AXDND1: variants seen among roughly 807,000 people sequenced by gnomAD.
AXDND1 encodes axonemal dynein light chain domain-containing protein 1.
AXDND1 carries 110 observed loss-of-function variants against 137.5 expected under a neutral mutation model. That is an observed-to-expected ratio of 0.80 (90% CI 0.69 to 0.94). The LOEUF (loss-of-function observed/expected upper bound fraction) is 0.94, where lower values mean the gene tolerates loss of function less well. Ranked by LOEUF, AXDND1 falls within the 40% of genes least tolerant of loss-of-function variation. The probability of loss-of-function intolerance (pLI) is 0.00; values close to 1 mark genes in which losing one functional copy is unlikely to be tolerated. For missense variants in AXDND1, 1,191 were observed against 1,169.8 expected (o/e 1.02, Z -0.26); for synonymous variants, 414 against 399.7 (o/e 1.04, Z -0.43).
intron 16 of AXDND1, chr1:179,447,609 C>G: frequency 8.4e-7 from 1 of 1,197,320 alleles, no homozygotes; most frequent in South Asian, 1.5e-5. Context: ...GTGGAGGTGT[C>G]ATGCCCTTGC....
chr1:179,447,610 A>C, intron 16 of AXDND1: 1 of 1,201,888 alleles, frequency 8.3e-7, no homozygotes, highest in Non-Finnish European at 1.2e-6. Context: ...TGGAGGTGTC[A>C]TGCCCTTGCT....
At chr1:179,426,802 A>G (rs954158528) in intron 12 of AXDND1, among the ~76,000 whole-genome samples, 1 of 152,242 alleles carries the variant, frequency 6.6e-6, no homozygotes, top group Admixed American at 6.5e-5. Context: ...AAGTAAAAGA[A>G]ATAGCAAGTT....
intron 20 of AXDND1, among the ~76,000 whole-genome samples, chr1:179,507,624 A>G (rs1441958904): frequency 6.6e-6 from 1 of 152,200 alleles, no homozygotes; most frequent in East Asian, 1.9e-4. Context: ...GAATTGATGA[A>G]TATCACTGAA....
intron 17 of AXDND1, among the ~76,000 whole-genome samples, chr1:179,478,123 TG>T (rs1572007824): frequency 6.6e-6 from 1 of 152,200 alleles, no homozygotes; most frequent in East Asian, 1.9e-4. Flanking sequence ...GCTGCTTTCA[TG>T]GGCTGGGGTT....
intron 16 of AXDND1, among the ~76,000 whole-genome samples, chr1:179,446,840 CAG>C (rs1205287189): frequency 6.8e-6 from 1 of 147,564 alleles, no homozygotes; most frequent in Non-Finnish European, 1.5e-5. Context: ...TTTTTTTAAA[CAG>C]AATAAATAAG....
In AXDND1 at chr1:179,394,472, C is replaced by T. The variant is rs141212930; in HGVS notation, c.1004+429C>T. Among the ~76,000 whole-genome samples, 949 of 152,212 alleles carry T rather than the reference C, an allele frequency of 6.2e-3. 11 individuals are homozygous for T. Among genetic ancestry groups the T allele is most frequent in the African/African-American group, 0.022 (906 of 41,544 alleles). ...AGGCGTGGTGGCACATGCCTATAAT[C>T]CCAACTACTGGGGAGGTTGAGGCAG... On this transcript the variant is annotated intron_variant, in intron 10 of 25. Transcript: ENST00000367618.
chr1:179,399,073 C>T (rs577849664), intron 11 of AXDND1, among the ~76,000 whole-genome samples: 25 of 152,112 alleles, frequency 1.6e-4, no homozygotes, highest in Admixed American at 6.6e-4. Context: ...TGCTATGGGT[C>T]TTGTTTCTGT....
chr1:179,468,711 A>G (rs1015547220), intron 17 of AXDND1, 70 bp downstream of exon 17: 86 of 1,247,422 alleles, frequency 6.9e-5, no homozygotes, highest in South Asian at 9.4e-5. Flanking sequence ...CACTTCATAT[A>G]TAATTCACTT....
intron 25 of AXDND1, 59 bp from the exon 26 acceptor site, chr1:179,554,453 T>C (rs548134182): frequency 2.4e-5 from 39 of 1,614,136 alleles, no homozygotes; most frequent in Admixed American, 5.0e-5. Context: ...CATACAGTTC[T>C]TGCTAGTTAA....
chr1:179,401,948 C>T (rs1038041531), intron 11 of AXDND1, among the ~76,000 whole-genome samples: 3 of 152,048 alleles, frequency 2.0e-5, no homozygotes, highest in East Asian at 1.9e-4. Flanking sequence ...CTGAAGCAGG[C>T]GGATCACGAG....
At chr1:179,482,446 T>A (rs1665532367) in intron 17 of AXDND1, among the ~76,000 whole-genome samples, 2 of 152,090 alleles carry the variant, frequency 1.3e-5, no homozygotes, top group South Asian at 4.1e-4. Context: ...CAACACCAGA[T>A]AGCTGGAGGC....
intron 23 of AXDND1, among the ~76,000 whole-genome samples, chr1:179,530,832 G>A (rs919484698): frequency 6.6e-5 from 10 of 152,196 alleles, no homozygotes; most frequent in African/African-American, 2.2e-4. Flanking sequence ...GGTGGCTGGA[G>A]TACTGCACAA....
intron 21 of AXDND1, among the ~76,000 whole-genome samples, chr1:179,518,072 C>G (rs1304137308): frequency 6.6e-6 from 1 of 152,238 alleles, no homozygotes; most frequent in Non-Finnish European, 1.5e-5. Flanking sequence ...CAGAGAACTA[C>G]TTTCAGAAAG....
At chr1:179,429,966 AG>A (rs1468006921) in intron 13 of AXDND1, among the ~76,000 whole-genome samples, 2 of 148,856 alleles carry the variant, frequency 1.3e-5, no homozygotes, top group East Asian at 3.9e-4. Context: ...TAGATAGAAA[AG>A]GAGGGCATTT....
Position 179,378,685 on chromosome 1 carries a change from G to T in AXDND1, c.423G>T (p.Arg141Ser). The T allele has an allele frequency of 6.3e-7, 1 of 1,597,786 alleles. No homozygotes were observed. Residue 141 changes from arginine (R) to serine (S), a missense_variant, in exon 5 of 26, where the codon AGG becomes AGT. Physicochemically the swap from Arg to Ser is moderately radical, Grantham distance 110. Coordinates refer to ENST00000367618, the MANE Select transcript of AXDND1 (RefSeq NM_144696.6). ...TAACATATGCCAAAGGACAGACTAG[G>T]GAGAAGGCAGTTTGTCCCCCACATT... ...YDVTYAKGQT[R>S]EKAVCPPHLA... is the part of the protein sequence containing the mutation.
intron 16 of AXDND1, among the ~76,000 whole-genome samples, chr1:179,465,261 C>G (rs192031328): frequency 6.6e-6 from 1 of 152,090 alleles, no homozygotes; most frequent in African/African-American, 2.4e-5. Context: ...TTTTATCTAC[C>G]TTTGATCTTT....
At chr1:179,443,856 A>G (rs1396132808) in intron 15 of AXDND1, among the ~76,000 whole-genome samples, 1 of 152,186 alleles carries the variant, frequency 6.6e-6, no homozygotes. Context: ...TCAAATTACT[A>G]TCATGTTATA....
chr1:179,368,969 A>G lies in AXDND1; in HGVS notation c.267A>G (p.Pro89=). The change falls in exon 3 of 26, where the codon CCA becomes CCG. Residue 89 remains proline (P), a synonymous_variant. Transcript: ENST00000367618. ...NLLPPKKIKT[P]KGTLPRLVDH... ...TACCTCCTAAGAAAATTAAAACCCCAAAGGTTTGTATGTACATATGTAGAG... is the reference window on the plus strand; with the variant it reads ...TACCTCCTAAGAAAATTAAAACCCCGAAGGTTTGTATGTACATATGTAGAG... 1 of 1,608,954 alleles carries G rather than the reference A, an allele frequency of 6.2e-7. No homozygotes were observed. Among genetic ancestry groups the G allele is most frequent in the Non-Finnish European group, 8.5e-7 (1 of 1,176,504 alleles).
chr1:179,550,734 G>T, intron 25 of AXDND1: 1 of 221,484 alleles, frequency 4.5e-6, no homozygotes, highest in Non-Finnish European at 9.1e-6. Flanking sequence ...TTGGAGAGAA[G>T]ACTGCATCTT....
Sources: gnomAD v4.1 joint callset for allele counts (sites outside exome capture counted in the v4.1 genomes callset) on GRCh38, gnomAD v4.1.1 for gene constraint, MANE v1.5 for transcripts, NCBI Gene and HGNC (gene_info 2026-07-23, HGNC 2026-07-21) for gene names.